The following STXBP3 variants were observed in gnomAD, a reference collection of about 807,000 sequenced individuals.
STXBP3 encodes syntaxin-binding protein 3.
A neutral mutation model predicts 85.7 loss-of-function variants in STXBP3; 41 were observed. The observed-to-expected ratio is 0.48, with a 90% CI of 0.37 to 0.62. The LOEUF is 0.62. Among genes scored for constraint, STXBP3 ranks in the 20% least tolerant of loss-of-function variants. STXBP3 has a pLI of 0.00. For missense variants in STXBP3, 563 were observed against 703.1 expected (o/e 0.80, Z 2.25); for synonymous variants, 229 against 231.7 (o/e 0.99, Z 0.10).
intron 7 of STXBP3, among the ~76,000 whole-genome samples, chr1:108,774,401 C>T (rs1272804242): frequency 6.6e-6 from 1 of 152,020 alleles, no homozygotes; most frequent in Non-Finnish European, 1.5e-5. Context: ...TTAAAAAGTC[C>T]TTTAATTTGA....
intron 17 of STXBP3, among the ~76,000 whole-genome samples, chr1:108,804,365 CT>C (rs1291599825): frequency 6.6e-6 from 1 of 151,792 alleles, no homozygotes; most frequent in Non-Finnish European, 1.5e-5. Context: ...TCTCATGTTT[CT>C]TTTTTAAACA....
In STXBP3 at chr1:108,776,442, G is replaced by A; in HGVS notation, c.684+19G>A. Reference sequence around the variant, plus strand: ...AATAAAGGTAATGTATGCAAGGCAAGTAATGACTATGCATAAAGTCTGTCT... The same window carrying A: ...AATAAAGGTAATGTATGCAAGGCAAATAATGACTATGCATAAAGTCTGTCT... On this transcript the variant is annotated intron_variant, in intron 8 of 18. Coordinates refer to ENST00000370008, the MANE Select transcript of STXBP3 (RefSeq NM_007269.4). 6.5e-7 allele frequency: 1 copy of A among 1,544,828 alleles called. No homozygotes were observed. The highest frequency in any genetic ancestry group is 8.8e-7 in the Non-Finnish European group (1 of 1,130,296).
chr1:108,799,701 C>T (rs987119670), intron 16 of STXBP3, among the ~76,000 whole-genome samples: 1 of 151,940 alleles, frequency 6.6e-6, no homozygotes, highest in African/African-American at 2.4e-5. Context: ...ATAAGTTAAG[C>T]ATTACTGTAA....
intron 3 of STXBP3, among the ~76,000 whole-genome samples, chr1:108,754,320 G>A (rs1226900986): frequency 6.6e-6 from 1 of 152,090 alleles, no homozygotes; most frequent in Non-Finnish European, 1.5e-5. Flanking sequence ...ACAGGTGTAA[G>A]CCACCATGCC....
chr1:108,783,661 T>C (rs1020389396), intron 11 of STXBP3, among the ~76,000 whole-genome samples: 3 of 152,214 alleles, frequency 2.0e-5, no homozygotes, highest in Non-Finnish European at 4.4e-5. Context: ...ATACACACTC[T>C]TTCTCTTGGG....
chr1:108,747,073 C>A (rs1181735599), intron 1 of STXBP3, among the ~76,000 whole-genome samples: 1 of 93,176 alleles, frequency 1.1e-5, no homozygotes, highest in Admixed American at 1.0e-4. Context: ...GCCGCCCGGC[C>A]CGGCTTTCCC....
intron 11 of STXBP3, among the ~76,000 whole-genome samples, chr1:108,790,195 C>T (rs1662947074): frequency 6.6e-6 from 1 of 151,978 alleles, no homozygotes; most frequent in African/African-American, 2.4e-5. Context: ...CTGATCATGA[C>T]TGTGAATTAG....
At chr1:108,761,291 A>G (rs1662136577) in intron 6 of STXBP3, among the ~76,000 whole-genome samples, 3 of 150,948 alleles carry the variant, frequency 2.0e-5, no homozygotes, top group Admixed American at 6.6e-5. Context: ...GTTTTCCAAA[A>G]GTTTCCTTTA....
chr1:108,756,826 A>G, intron 4 of STXBP3, 60 bp downstream of exon 4: 2 of 1,332,890 alleles, frequency 1.5e-6, no homozygotes, highest in South Asian at 1.4e-5. Flanking sequence ...GTTATGGTTT[A>G]CTAACAGAAA....
At chr1:108,800,140 A>G (rs1273444634) in intron 16 of STXBP3, 80 bp from the exon 17 acceptor site, 1 of 948,784 alleles carries the variant, frequency 1.1e-6, no homozygotes, top group Middle Eastern at 2.1e-4. Flanking sequence ...TCAATTGCAA[A>G]TGCAAGTTTT....
chr1:108,774,856 G>A (rs1235839167), intron 7 of STXBP3, among the ~76,000 whole-genome samples: 1 of 151,718 alleles, frequency 6.6e-6, no homozygotes, highest in Non-Finnish European at 1.5e-5. Context: ...TTCTACTGTT[G>A]GTGATTGGTT....
rs918900517 is a variant in STXBP3, at chr1:108,790,632, A to G, written c.964-2950A>G. Among the ~76,000 whole-genome samples, 3 of 151,612 alleles carry G rather than the reference A, an allele frequency of 2.0e-5. No homozygotes were observed. In the East Asian group the frequency reaches 5.8e-4, roughly 29 times the overall value. On this transcript the variant is annotated intron_variant, in intron 11 of 18. Coordinates refer to ENST00000370008, the MANE Select transcript of STXBP3 (RefSeq NM_007269.4). Reference sequence around the variant, plus strand: ...GTTTTCACTTCATTTTTTATATTCTATTCTTTTCCTTCTTTATCAAGTCTT... The same window carrying G: ...GTTTTCACTTCATTTTTTATATTCTGTTCTTTTCCTTCTTTATCAAGTCTT...
intron 17 of STXBP3, among the ~76,000 whole-genome samples, chr1:108,801,916 G>C (rs967493831): frequency 2.6e-5 from 4 of 151,998 alleles, no homozygotes; most frequent in Middle Eastern, 3.4e-3. Context: ...CGATCTTCCT[G>C]CCTCAGCCTC....
In STXBP3 at chr1:108,793,659, T is replaced by G. The variant is rs770397638; in HGVS notation, c.1029+12T>G. ...AACAGATTACTAAGGTAAGCAGTAT[T>G]GTATATGAGATACCTGATTAGTTTT... On this transcript the variant is annotated intron_variant, in intron 12 of 18. Transcript: ENST00000370008. The G allele has an allele frequency of 1.1e-5, 17 of 1,602,438 alleles. No homozygotes were observed. In the South Asian group the frequency reaches 1.9e-4, roughly 18 times the overall value.
At chr1:108,751,987 T>G (rs1661915085) in intron 1 of STXBP3, among the ~76,000 whole-genome samples, 1 of 152,184 alleles carries the variant, frequency 6.6e-6, no homozygotes, top group East Asian at 1.9e-4. Flanking sequence ...GGTAATAATT[T>G]TAGAAATATT....
At chr1:108,753,262 A>G in intron 3 of STXBP3, 118 bp downstream of exon 3, 1 of 615,300 alleles carries the variant, frequency 1.6e-6, no homozygotes, top group Non-Finnish European at 2.6e-6. Context: ...TACTGTAGCC[A>G]TAACTATTAG....
rs201898819 is a variant in STXBP3 at position 108,772,198 on chromosome 1, C to CAT, written c.439-466_439-465dup. 3.8e-3 allele frequency among the ~76,000 whole-genome samples: 85 copies of CAT among 22,500 alleles called. 20 individuals carry two copies. Among genetic ancestry groups the CAT allele is most frequent in the Non-Finnish European group, 7.6e-3 (65 of 8,572 alleles). The allele number at this position is 22,500 out of a possible 152,430, so 14.8% of individuals were successfully genotyped here. On this transcript the variant is annotated intron_variant, in intron 6 of 18. Coordinates refer to ENST00000370008, the MANE Select transcript of STXBP3 (RefSeq NM_007269.4). ...TCTATCTATATATCATATATAAATA[C>CAT]ATGATATCTATCTGTATCATATATA...
chr1:108,791,481 C>T (rs1286935302), intron 11 of STXBP3, among the ~76,000 whole-genome samples: 1 of 151,976 alleles, frequency 6.6e-6, no homozygotes, highest in Admixed American at 6.6e-5. Context: ...CCCCAGTCAA[C>T]ATGTTTTTTA....
At chr1:108,768,981 C>G (rs1010362625) in intron 6 of STXBP3, among the ~76,000 whole-genome samples, 1 of 152,046 alleles carries the variant, frequency 6.6e-6, no homozygotes, top group Admixed American at 6.6e-5. Context: ...GGCACCAACC[C>G]CCTGTGCAGT....
Sources: gnomAD v4.1 joint callset for allele counts (sites outside exome capture counted in the v4.1 genomes callset) on GRCh38, gnomAD v4.1.1 for gene constraint, MANE v1.5 for transcripts, NCBI Gene and HGNC (gene_info 2026-07-23, HGNC 2026-07-21) for gene names.